Variants in USP37 observed in about 807,000 individuals in gnomAD.
USP37 encodes the protein ubiquitin specific peptidase 37, also known as ubiquitin carboxyl-terminal hydrolase 37.
A neutral mutation model predicts 124.0 loss-of-function variants in USP37; 27 were observed. The observed-to-expected ratio is 0.22, with a 90% CI of 0.16 to 0.30. The LOEUF is 0.30. Among genes scored for constraint, USP37 ranks in the 10% least tolerant of loss-of-function variants. The pLI, the probability that USP37 is intolerant of heterozygous loss-of-function variation, is 1.00. For missense variants in USP37, 889 were observed against 1,140.4 expected, an observed-to-expected ratio of 0.78 and a Z score of 3.17; for synonymous variants, 365 against 388.0, an observed-to-expected ratio of 0.94 and a Z score of 0.70.
At chr2:218,463,854 A>ATTT (rs965382526) in intron 21 of USP37, among the ~76,000 whole-genome samples, 5 of 48,878 alleles carry the variant, frequency 1.0e-4, no homozygotes, top group Admixed American at 2.3e-4. Flanking sequence ...ATTTTTTAAG[A>ATTT]TTTTTTTTTT....
At chr2:218,510,661 C>G (rs1490588414) in intron 10 of USP37, among the ~76,000 whole-genome samples, 1 of 152,192 alleles carries the variant, frequency 6.6e-6, no homozygotes, top group Non-Finnish European at 1.5e-5. Flanking sequence ...CAGTGACCTT[C>G]CATCGCCTCA....
At position 218,548,546 on chromosome 2, in the gene USP37, T is replaced by C. The variant is rs146249740; in HGVS notation, c.429+1263A>G. Among the ~76,000 whole-genome samples the C allele has an allele frequency of 2.3e-3, 351 of 152,228 alleles. 1 individual carries two copies. The highest frequency in any genetic ancestry group is 0.017 in the Middle Eastern group (5 of 294). On this transcript the variant is annotated intron_variant, in intron 6 of 25. Coordinates refer to ENST00000258399, the MANE Select transcript of USP37 (RefSeq NM_020935.3). Reference sequence around the variant, plus strand: ...TTTTGTAGAGACAGGGTTTCACATGTTGCCCAGGCTGGTCTCAAACTCCTG... The same window carrying C: ...TTTTGTAGAGACAGGGTTTCACATGCTGCCCAGGCTGGTCTCAAACTCCTG...
intron 6 of USP37, among the ~76,000 whole-genome samples, chr2:218,547,711 G>A (rs1418798149): frequency 6.6e-6 from 1 of 151,950 alleles, no homozygotes; most frequent in African/African-American, 2.4e-5. Context: ...AGTGACATTT[G>A]GTTGCCACAA....
At chr2:218,507,074 A>C (rs1319344793) in intron 11 of USP37, among the ~76,000 whole-genome samples, 2 of 152,110 alleles carry the variant, frequency 1.3e-5, no homozygotes, top group Non-Finnish European at 2.9e-5. Flanking sequence ...CTAGGTTTAC[A>C]GGTGTGAGTG....
chr2:218,560,641 A>C (rs1404739558), intron 3 of USP37, among the ~76,000 whole-genome samples, 179 bp downstream of exon 3: 1 of 152,210 alleles, frequency 6.6e-6, no homozygotes, highest in East Asian at 1.9e-4. Context: ...AAATTTGAAC[A>C]ATTGCTACCC....
chr2:218,463,854 ATTT>A (rs965382526), intron 21 of USP37, among the ~76,000 whole-genome samples: 2 of 48,870 alleles, frequency 4.1e-5, no homozygotes, highest in Admixed American at 2.3e-4. Flanking sequence ...ATTTTTTAAG[ATTT>A]TTTTTTTTTT....
intron 24 of USP37, 52 bp downstream of exon 24, chr2:218,457,040 C>A: frequency 1.3e-6 from 2 of 1,554,194 alleles, no homozygotes; most frequent in Non-Finnish European, 1.8e-6. Context: ...TAATAAAGAG[C>A]AAATGCTGAC....
chr2:218,495,168 G>A (rs1461635857), intron 14 of USP37, among the ~76,000 whole-genome samples: 1 of 152,108 alleles, frequency 6.6e-6, no homozygotes, highest in Non-Finnish European at 1.5e-5. Context: ...TTGAGATAGG[G>A]TCTTGCTTTG....
At chr2:218,491,919 GC>G (rs778609616) in intron 14 of USP37, among the ~76,000 whole-genome samples, 1 of 152,242 alleles carries the variant, frequency 6.6e-6, no homozygotes, top group East Asian at 1.9e-4. Context: ...GAATATGGGG[GC>G]CAGGTGTGGG....
intron 11 of USP37, among the ~76,000 whole-genome samples, chr2:218,505,899 C>T (rs1452184991): frequency 6.6e-6 from 1 of 151,610 alleles, no homozygotes; most frequent in African/African-American, 2.4e-5. Context: ...GTCTTGCTCT[C>T]TGTCACCCAG....
At chr2:218,535,715 C>T (rs778184824) in intron 8 of USP37, among the ~76,000 whole-genome samples, 4 of 151,922 alleles carry the variant, frequency 2.6e-5, no homozygotes, top group South Asian at 2.1e-4. Flanking sequence ...ATTAGCTGGG[C>T]GTGGTGGCGG....
Position 218,450,802 on chromosome 2 carries a change from T to C in USP37, c.*4128A>G, listed in dbSNP as rs1689458084. Reference sequence around the variant, plus strand: ...GACATACCTATACTTTGAACCTCTGTACTTTTAAGAAAAGTCCAATGTTAC... The same window carrying C: ...GACATACCTATACTTTGAACCTCTGCACTTTTAAGAAAAGTCCAATGTTAC... On this transcript the variant is annotated 3_prime_UTR_variant, in exon 26 of 26. Coordinates refer to ENST00000258399, the MANE Select transcript of USP37 (RefSeq NM_020935.3). 1 of 152,366 alleles carries C rather than the reference T, an allele frequency of 6.6e-6. No homozygotes were observed. Among genetic ancestry groups the C allele is most frequent in the South Asian group, 2.1e-4 (1 of 4,832 alleles). The allele number at this position is 152,366 out of a possible 1,614,324, so 9.4% of individuals were successfully genotyped here.
At position 218,472,173 on chromosome 2, in the gene USP37, C is replaced by T. The variant is rs974532772; in HGVS notation, c.2299+2457G>A. ...TTCTTACGTAGCAGCTTAGGGTTCC[C>T]AAAAGCACAAAAGGGGAAGTTGCCA... On this transcript the variant is annotated intron_variant, in intron 20 of 25. Transcript: ENST00000258399. Among the ~76,000 whole-genome samples, 13 of 152,188 alleles carry T rather than the reference C, an allele frequency of 8.5e-5. No individual in the cohort carries two copies. The South Asian group carries it at 1.5e-3, about 17-fold the overall frequency.
chr2:218,532,646 C>A (rs1382189055), intron 9 of USP37, among the ~76,000 whole-genome samples: 1 of 151,876 alleles, frequency 6.6e-6, no homozygotes, highest in Non-Finnish European at 1.5e-5. Context: ...AAAATTATGA[C>A]TGGCTGGGTG....
At chr2:218,492,062 A>G (rs574507015) in intron 14 of USP37, among the ~76,000 whole-genome samples, 1 of 152,200 alleles carries the variant, frequency 6.6e-6, no homozygotes, top group East Asian at 1.9e-4. Flanking sequence ...TTAGCCAGGC[A>G]TGGTGGTGTG....
At chr2:218,461,369 G>T (rs942784048) in intron 22 of USP37, among the ~76,000 whole-genome samples, 1 of 152,128 alleles carries the variant, frequency 6.6e-6, no homozygotes, top group Non-Finnish European at 1.5e-5. Flanking sequence ...AGCTGGGCAT[G>T]GTGGCACATG....
rs143318629 is a variant in USP37, at chr2:218,482,801, C to T, written c.1671-567G>A. ...CAAAAATTTGCATGCCAAATCTGAT[C>T]TGTGGGTCTGTAAAGGCTTTTAGCT... On this transcript the variant is annotated intron_variant, in intron 16 of 25. Coordinates refer to ENST00000258399, the MANE Select transcript of USP37 (RefSeq NM_020935.3). Among the ~76,000 whole-genome samples the T allele has an allele frequency of 3.5e-4, 53 of 152,278 alleles. No homozygotes were observed. The East Asian group carries it at 9.4e-3, about 27-fold the overall frequency.
intron 10 of USP37, chr2:218,528,625 A>G (rs919469799): frequency 3.0e-5 from 12 of 401,186 alleles, no homozygotes; most frequent in Middle Eastern, 3.1e-4. Context: ...ATGGCTGCAT[A>G]GTATTCCATG....
intron 16 of USP37, among the ~76,000 whole-genome samples, chr2:218,484,641 C>CG (rs1334028105): frequency 2.8e-4 from 28 of 100,452 alleles, no homozygotes; most frequent in African/African-American, 1.2e-3. Flanking sequence ...ACAACAACAA[C>CG]AACAACAAAC....
Sources: gnomAD v4.1 joint callset for allele counts (sites outside exome capture counted in the v4.1 genomes callset) on GRCh38, gnomAD v4.1.1 for gene constraint, MANE v1.5 for transcripts, NCBI Gene and HGNC (gene_info 2026-07-23, HGNC 2026-07-21) for gene names.